Variants in QTMAN observed in about 807,000 individuals in gnomAD.
QTMAN encodes the protein tRNA-queuosine alpha-mannosyltransferase.
At chr2:144,164,811 A>C in the QTMAN span, among the ~76,000 whole-genome samples, 1 of 152,178 alleles carries the variant, frequency 6.6e-6, no homozygotes, top group African/African-American at 2.4e-5. Flanking sequence ...TTGAGCTGAG[A>C]GAAGAAAAAA....
At chr2:144,260,338 T>C in the QTMAN span, among the ~76,000 whole-genome samples, 1 of 152,096 alleles carries the variant, frequency 6.6e-6, no homozygotes, top group African/African-American at 2.4e-5. Flanking sequence ...TGTGTGTGGG[T>C]ATTTGTGGGT....
the QTMAN span, among the ~76,000 whole-genome samples, chr2:144,003,401 T>A: frequency 6.6e-6 from 1 of 151,750 alleles, no homozygotes; most frequent in Non-Finnish European, 1.5e-5. Context: ...ATTTGTATAG[T>A]ATTTGGAAAG....
At chr2:144,014,426 T>C in the QTMAN span, among the ~76,000 whole-genome samples, 1 of 152,284 alleles carries the variant, frequency 6.6e-6, no homozygotes, top group Non-Finnish European at 1.5e-5. Flanking sequence ...AAATACAGCA[T>C]TCTGTGAGAG....
the QTMAN span, among the ~76,000 whole-genome samples, chr2:144,324,058 T>C: frequency 6.6e-6 from 1 of 152,186 alleles, no homozygotes; most frequent in South Asian, 2.1e-4. Context: ...AAATCTTCAT[T>C]AGTAGTTTTA....
chr2:144,051,929 T>C, the QTMAN span, among the ~76,000 whole-genome samples: 4 of 152,230 alleles, frequency 2.6e-5, no homozygotes, highest in African/African-American at 7.2e-5. Flanking sequence ...CTTTACTCTC[T>C]CTTACATTGC....
At chr2:143,970,692 G>A in the QTMAN span, 5 of 1,610,204 alleles carry the variant, frequency 3.1e-6, no homozygotes, top group Non-Finnish European at 4.2e-6. Flanking sequence ...ACAGACACGT[G>A]GAAATTGAGT....
At chr2:144,278,754 G>A in the QTMAN span, among the ~76,000 whole-genome samples, 1 of 151,946 alleles carries the variant, frequency 6.6e-6, no homozygotes, top group East Asian at 1.9e-4. Flanking sequence ...TCATCACAGA[G>A]CCAGGAAAGC....
At chr2:144,030,274 T>A in the QTMAN span, among the ~76,000 whole-genome samples, 1 of 152,194 alleles carries the variant, frequency 6.6e-6, no homozygotes, top group African/African-American at 2.4e-5. Context: ...AAATTCTCCA[T>A]ATTAAGCAGT....
At chr2:143,951,058 T>A in the QTMAN span, 1 of 151,890 alleles carries the variant, frequency 6.6e-6, no homozygotes, top group Non-Finnish European at 1.5e-5. Flanking sequence ...TGTAAATATG[T>A]ATTTTAGGCT....
the QTMAN span, among the ~76,000 whole-genome samples, chr2:144,317,282 G>A: frequency 2.2e-4 from 34 of 152,146 alleles, no homozygotes; most frequent in Non-Finnish European, 3.8e-4. Flanking sequence ...AGGTTGGAGG[G>A]AAAGGTGGTT....
chr2:144,192,230 C>T, the QTMAN span, among the ~76,000 whole-genome samples: 3 of 151,970 alleles, frequency 2.0e-5, no homozygotes, highest in African/African-American at 7.3e-5. Context: ...CCTCAGCCTC[C>T]CAAGTAGCTG....
the QTMAN span, among the ~76,000 whole-genome samples, chr2:144,024,700 G>T: frequency 6.6e-6 from 1 of 152,154 alleles, no homozygotes; most frequent in South Asian, 2.1e-4. Context: ...AGTATTATTA[G>T]ATATATTGAA....
At chr2:144,007,113 T>C in the QTMAN span, 4 of 912,776 alleles carry the variant, frequency 4.4e-6, no homozygotes, top group East Asian at 1.0e-4. Flanking sequence ...AATTATTATG[T>C]CAATCAACAG....
At chr2:144,248,591 T>C in the QTMAN span, among the ~76,000 whole-genome samples, 1 of 152,184 alleles carries the variant, frequency 6.6e-6, no homozygotes, top group African/African-American at 2.4e-5. Flanking sequence ...GGTAACTGTT[T>C]ATGTCTGTTC....
chr2:143,955,215 T>C, the QTMAN span, among the ~76,000 whole-genome samples: 2 of 152,094 alleles, frequency 1.3e-5, no homozygotes, highest in Admixed American at 6.6e-5. Context: ...AAATCCCTCA[T>C]TATTAAAAAA....
chr2:144,308,785 CA>C, the QTMAN span, among the ~76,000 whole-genome samples: 10 of 149,538 alleles, frequency 6.7e-5, no homozygotes, highest in Middle Eastern at 3.4e-3. Context: ...TAGATATTAC[CA>C]AAAAAAAAGA....
the QTMAN span, among the ~76,000 whole-genome samples, chr2:144,193,100 G>A: frequency 6.6e-6 from 1 of 151,972 alleles, no homozygotes; most frequent in Admixed American, 6.6e-5. Flanking sequence ...AAAGGCTACA[G>A]ACATCATCAA....
the QTMAN span, among the ~76,000 whole-genome samples, chr2:144,168,253 T>C: frequency 6.6e-6 from 1 of 152,154 alleles, no homozygotes; most frequent in East Asian, 1.9e-4. Flanking sequence ...TTACGAGAAA[T>C]GTCTTGGCCC....
At chr2:144,269,914 A>G in the QTMAN span, among the ~76,000 whole-genome samples, 2 of 152,028 alleles carry the variant, frequency 1.3e-5, no homozygotes, top group East Asian at 3.9e-4. Context: ...TATAAATTAC[A>G]TTTGTAACGC....
Sources: gnomAD v4.1 joint callset for allele counts (sites outside exome capture counted in the v4.1 genomes callset) on GRCh38, gnomAD v4.1.1 for gene constraint, MANE v1.5 for transcripts, NCBI Gene and HGNC (gene_info 2026-07-23, HGNC 2026-07-21) for gene names.